The following LITAF variants were observed in gnomAD, a reference collection of about 807,000 sequenced individuals.
LITAF encodes the protein lipopolysaccharide-induced tumor necrosis factor-alpha factor.
LITAF carries 9 observed loss-of-function variants against 14.5 expected under a neutral mutation model. The observed-to-expected ratio is 0.62, with a 90% CI of 0.37 to 1.08. The LOEUF is 1.08. LITAF is among the 50% of genes least tolerant of loss of function. LITAF has a pLI of 0.01. For missense variants in LITAF, 206 were observed against 213.4 expected, an observed-to-expected ratio of 0.97 and a Z score of 0.22; for synonymous variants, 98 against 88.2, an observed-to-expected ratio of 1.11 and a Z score of -0.62.
chr16:11,616,980 G>C (rs937654199), intron 3 of LITAF, among the ~76,000 whole-genome samples: 9 of 151,712 alleles, frequency 5.9e-5, no homozygotes, highest in African/African-American at 2.2e-4. Context: ...AACACTTTGG[G>C]AGGCCGAGGC....
chr16:11,588,259 C>A (rs1419830346), upstream of LITAF, among the ~76,000 whole-genome samples: 2 of 152,072 alleles, frequency 1.3e-5, no homozygotes, highest in African/African-American at 4.8e-5. Context: ...CTTTGGGAGG[C>A]CATGGCCAGA....
intron 1 of LITAF, among the ~76,000 whole-genome samples, chr16:11,585,391 C>T (rs576248527): frequency 6.6e-6 from 1 of 152,264 alleles, no homozygotes; most frequent in South Asian, 2.1e-4. Context: ...GGGCCTCCCT[C>T]ATGGTAGATT....
rs185575577 is a variant in LITAF at position 11,634,169 on chromosome 16, C to T, written c.-20-532G>A. 6.6e-6 allele frequency among the ~76,000 whole-genome samples: 1 copy of T among 152,276 alleles called. No homozygotes were observed. Among genetic ancestry groups the T allele is most frequent in the East Asian group, 1.9e-4 (1 of 5,186 alleles). ...ATGCACACAGGTGAGACCATCTTTG[C>T]AAAAATTATAACAGAAAATTGTGAC... is the stretch of plus-strand genomic sequence containing the variant. On this transcript the variant is annotated intron_variant, in intron 2 of 3. Transcript: ENST00000574848. The surrounding 1 kb of genome is among the most constrained non-coding windows in gnomAD (Gnocchi z 4.1).
intron 1 of LITAF, 43 bp from the exon 2 acceptor site, chr16:11,556,778 TC>T (rs2064277890): frequency 1.3e-6 from 2 of 1,490,488 alleles, no homozygotes; most frequent in African/African-American, 2.8e-5. Context: ...ATTCAGTTGA[TC>T]TCTCCCTCTC....
intron 1 of LITAF, among the ~76,000 whole-genome samples, chr16:11,577,609 C>G (rs1449002481): frequency 2.6e-5 from 4 of 152,130 alleles, no homozygotes; most frequent in Non-Finnish European, 4.4e-5. Flanking sequence ...TAAGCCACCA[C>G]ACCTGGCCAG....
At chr16:11,609,465 C>T (rs1335353541) in intron 3 of LITAF, among the ~76,000 whole-genome samples, 1 of 152,134 alleles carries the variant, frequency 6.6e-6, no homozygotes, top group Non-Finnish European at 1.5e-5. Flanking sequence ...CCACCCGTCT[C>T]GGCCTCCCAA....
chr16:11,619,338 C>T (rs1389757181), intron 3 of LITAF, among the ~76,000 whole-genome samples: 2 of 151,832 alleles, frequency 1.3e-5, no homozygotes, highest in Non-Finnish European at 2.9e-5. Flanking sequence ...AAAAAAACCC[C>T]AGCACTGCTG....
intron 3 of LITAF, among the ~76,000 whole-genome samples, chr16:11,628,295 G>A (rs1014064062): frequency 3.9e-5 from 6 of 152,096 alleles, no homozygotes; most frequent in African/African-American, 1.4e-4. Context: ...GATTTTCCAT[G>A]TTTGCGTGTC....
chr16:11,566,943 C>T (rs1163749226), intron 1 of LITAF, among the ~76,000 whole-genome samples: 1 of 152,204 alleles, frequency 6.6e-6, no homozygotes, highest in Non-Finnish European at 1.5e-5. Context: ...CACAGTTCAG[C>T]TCAAGGTAAC....
At chr16:11,579,716 G>C (rs1168266108) in intron 1 of LITAF, among the ~76,000 whole-genome samples, 3 of 152,012 alleles carry the variant, frequency 2.0e-5, no homozygotes, top group Non-Finnish European at 2.9e-5. Flanking sequence ...CCAGGAACTG[G>C]GTGAGGAACT....
At chr16:11,599,906 C>T (rs2064916965), upstream of LITAF, among the ~76,000 whole-genome samples, 1 of 152,160 alleles carries the variant, frequency 6.6e-6, no homozygotes, top group Non-Finnish European at 1.5e-5. Flanking sequence ...ACTGACCACT[C>T]TATCTGAGGT....
intron 2 of LITAF, among the ~76,000 whole-genome samples, chr16:11,554,680 T>C (rs2064240647): frequency 6.7e-6 from 1 of 149,626 alleles, no homozygotes; most frequent in African/African-American, 2.5e-5. Flanking sequence ...CCCAGCTACT[T>C]GGGAGGCTGA....
chr16:11,596,818 G>C (rs1233872133), intron 1 of LITAF, among the ~76,000 whole-genome samples: 2 of 142,284 alleles, frequency 1.4e-5, no homozygotes, highest in Non-Finnish European at 3.1e-5. Flanking sequence ...GGAAAGAAGA[G>C]GGGGAGGAGG....
chr16:11,596,428 T>C (rs2064886885), intron 1 of LITAF, among the ~76,000 whole-genome samples: 2 of 127,110 alleles, frequency 1.6e-5, no homozygotes, highest in South Asian at 4.9e-4. Context: ...GCAACTGGCA[T>C]CTGATGCAGA....
upstream of LITAF, among the ~76,000 whole-genome samples, chr16:11,639,893 G>GT (rs542927021): frequency 2.4e-4 from 36 of 152,214 alleles, no homozygotes; most frequent in East Asian, 4.4e-3. Flanking sequence ...TACCCTCTCA[G>GT]CCCCCCAAGT....
chr16:11,627,261 C>A (rs528454442), intron 3 of LITAF, among the ~76,000 whole-genome samples: 1 of 152,330 alleles, frequency 6.6e-6, no homozygotes, highest in South Asian at 2.1e-4. Context: ...AAGACGAATT[C>A]TTTACAAGGC....
chr16:11,602,074 A>G (rs1327438802), upstream of LITAF, among the ~76,000 whole-genome samples: 3 of 152,188 alleles, frequency 2.0e-5, no homozygotes, highest in Non-Finnish European at 4.4e-5. Flanking sequence ...ACTCTGCCCA[A>G]TGGGGCCGGG....
chr16:11,588,670 T>C (rs62024272), upstream of LITAF, among the ~76,000 whole-genome samples: 23,806 of 152,040 alleles, frequency 0.16, 2,184 homozygotes, highest in Non-Finnish European at 0.19. Context: ...ATTCTCAGGA[T>C]GCAACCAAGG....
chr16:11,571,087 A>G (rs1455403010), intron 1 of LITAF, among the ~76,000 whole-genome samples: 9 of 152,068 alleles, frequency 5.9e-5, no homozygotes, highest in Non-Finnish European at 1.3e-4. Context: ...TGTGTTGTTG[A>G]GTCCAAGTCT....
Sources: allele counts gnomAD v4.1 joint callset (sites outside exome capture counted in the v4.1 genomes callset), GRCh38; gene constraint gnomAD v4.1.1; non-coding constraint Gnocchi (gnomAD v3.1); transcripts MANE v1.5; gene names NCBI Gene and HGNC (gene_info 2026-07-23, HGNC 2026-07-21).